The following UMAD1 variants were observed in gnomAD, a reference collection of about 807,000 sequenced individuals.
UMAD1 encodes the protein UBAP1-MVB12-associated (UMA) domain containing 1.
UMAD1 carries 8 observed loss-of-function variants against 6.1 expected under a neutral mutation model. The ratio of observed to expected loss-of-function variants is 1.30; its 90% CI spans 0.76 to 2.35. The LOEUF (loss-of-function observed/expected upper bound fraction) is 2.35. UMAD1 is among the 30% of genes most tolerant of loss of function. The pLI, the probability that UMAD1 is intolerant of heterozygous loss-of-function variation, is 0.00. For missense variants in UMAD1, 130 were observed against 78.4 expected, an observed-to-expected ratio of 1.66 and a Z score of -2.49; for synonymous variants, 56 against 31.4, an observed-to-expected ratio of 1.78 and a Z score of -2.61.
chr7:7,674,082 C>T (rs930215821), intron 2 of UMAD1, among the ~76,000 whole-genome samples: 2 of 152,176 alleles, frequency 1.3e-5, no homozygotes, highest in African/African-American at 4.8e-5. Flanking sequence ...TTTGTATGCT[C>T]TTCCCAGAAA....
At chr7:7,832,708 A>G (rs1026489632) in intron 3 of UMAD1, among the ~76,000 whole-genome samples, 3 of 152,164 alleles carry the variant, frequency 2.0e-5, no homozygotes, top group Admixed American at 6.5e-5. Flanking sequence ...ACGAAGGGGG[A>G]TCCAGAGATG....
chr7:7,646,449 T>A (rs1430555845), intron 1 of UMAD1, among the ~76,000 whole-genome samples: 2 of 150,826 alleles, frequency 1.3e-5, no homozygotes, highest in African/African-American at 2.4e-5. Flanking sequence ...CGAGATCTGA[T>A]GGCTTTATAA....
chr7:7,763,366 G>A (rs1176351288), intron 2 of UMAD1, among the ~76,000 whole-genome samples: 1 of 152,030 alleles, frequency 6.6e-6, no homozygotes, highest in African/African-American at 2.4e-5. Context: ...CATCACCTGG[G>A]TAGTGACCCT....
intron 3 of UMAD1, among the ~76,000 whole-genome samples, chr7:7,812,726 C>G (rs1281426821): frequency 6.6e-6 from 1 of 150,802 alleles, no homozygotes; most frequent in Non-Finnish European, 1.5e-5. Flanking sequence ...ACTTTTATAG[C>G]TTTAAAAACC....
intron 2 of UMAD1, among the ~76,000 whole-genome samples, chr7:7,715,821 TATAAA>T (rs993674597): frequency 6.6e-6 from 1 of 152,196 alleles, no homozygotes; most frequent in African/African-American, 2.4e-5. Context: ...GTAGCAGTCA[TATAAA>T]ATAGAATAGC....
At chr7:7,791,992 A>G (rs796596875) in intron 2 of UMAD1, among the ~76,000 whole-genome samples, 6 of 152,290 alleles carry the variant, frequency 3.9e-5, no homozygotes, top group African/African-American at 1.4e-4. Flanking sequence ...AATCGTTTGT[A>G]ATTCTTTTTA....
At chr7:7,722,143 C>G (rs1781060606) in intron 2 of UMAD1, among the ~76,000 whole-genome samples, 1 of 109,956 alleles carries the variant, frequency 9.1e-6, no homozygotes, top group Non-Finnish European at 1.8e-5. Flanking sequence ...CCTTAATAAA[C>G]TCTCTCTCTC....
chr7:7,718,181 G>A (rs1347667733), intron 2 of UMAD1, among the ~76,000 whole-genome samples: 1 of 152,142 alleles, frequency 6.6e-6, no homozygotes, highest in Non-Finnish European at 1.5e-5. Flanking sequence ...GAACTTGAGT[G>A]ATTTTTCCAA....
intron 2 of UMAD1, among the ~76,000 whole-genome samples, chr7:7,683,338 TC>T (rs1284636601): frequency 2.0e-5 from 3 of 152,004 alleles, no homozygotes; most frequent in African/African-American, 7.3e-5. Flanking sequence ...ATTGATTTTT[TC>T]CCCCCAGAGT....
intron 2 of UMAD1, among the ~76,000 whole-genome samples, chr7:7,793,673 A>C (rs1337757558): frequency 6.6e-6 from 1 of 152,218 alleles, no homozygotes; most frequent in Non-Finnish European, 1.5e-5. Flanking sequence ...CAAATGCATT[A>C]ACAGGGAGTC....
At chr7:7,733,068 G>A (rs1781289138) in intron 2 of UMAD1, among the ~76,000 whole-genome samples, 1 of 152,144 alleles carries the variant, frequency 6.6e-6, no homozygotes, top group African/African-American at 2.4e-5. Context: ...GGCCCAAAAA[G>A]TCTTAAGCCA....
chr7:7,689,903 A>T (rs1165428487), intron 2 of UMAD1, among the ~76,000 whole-genome samples: 1 of 152,222 alleles, frequency 6.6e-6, no homozygotes, highest in East Asian at 1.9e-4. Context: ...GTAATTGGTG[A>T]TCAGGAAACA....
intron 2 of UMAD1, among the ~76,000 whole-genome samples, chr7:7,734,356 C>T (rs533216015): frequency 7.9e-5 from 12 of 152,018 alleles, no homozygotes; most frequent in Admixed American, 2.0e-4. Flanking sequence ...TTGTAGCTAA[C>T]CTTTATTTAT....
intron 1 of UMAD1, among the ~76,000 whole-genome samples, chr7:7,658,377 T>A (rs62452509): frequency 0.058 from 8,876 of 152,320 alleles, 338 homozygotes; most frequent in Middle Eastern, 0.13. Context: ...GAGGGCATCC[T>A]TGCCTTGTGC....
intron 3 of UMAD1, among the ~76,000 whole-genome samples, chr7:7,872,843 A>G (rs1784355965): frequency 6.6e-6 from 1 of 152,206 alleles, no homozygotes; most frequent in Non-Finnish European, 1.5e-5. Flanking sequence ...AAAAGAAAAG[A>G]AAGTTTGAGT....
chr7:7,811,086 A>G (rs1167633829), intron 3 of UMAD1, among the ~76,000 whole-genome samples: 2 of 152,138 alleles, frequency 1.3e-5, no homozygotes, highest in African/African-American at 4.8e-5. Flanking sequence ...TTCCCCCGCA[A>G]AAGTGTATGG....
intron 2 of UMAD1, among the ~76,000 whole-genome samples, chr7:7,678,605 A>G (rs1277063059): frequency 7.4e-6 from 1 of 134,490 alleles, no homozygotes; most frequent in Non-Finnish European, 1.5e-5. Flanking sequence ...CTTAATTTAT[A>G]GATAAATATA....
At chr7:7,749,552 C>T (rs2033772028) in intron 2 of UMAD1, among the ~76,000 whole-genome samples, 1 of 152,064 alleles carries the variant, frequency 6.6e-6, no homozygotes, top group Non-Finnish European at 1.5e-5. Flanking sequence ...ATAGTGTTCT[C>T]AGTACTGGTG....
chr7:7,835,456 A>G, intron 3 of UMAD1, among the ~76,000 whole-genome samples: 1 of 103,704 alleles, frequency 9.6e-6, no homozygotes. Context: ...ACTCATTGAA[A>G]CAGCACTTTT....
Sources: allele counts gnomAD v4.1 joint callset (sites outside exome capture counted in the v4.1 genomes callset), GRCh38; gene constraint gnomAD v4.1.1; transcripts MANE v1.5; gene names NCBI Gene and HGNC (gene_info 2026-07-23, HGNC 2026-07-21).